Variants in NEGR1 observed in about 807,000 individuals in gnomAD.
NEGR1 encodes the protein neuronal growth regulator 1.
NEGR1 carries 10 observed loss-of-function variants against 40.9 expected under a neutral mutation model. That is an observed-to-expected ratio of 0.24 (90% CI 0.15 to 0.42). The LOEUF (loss-of-function observed/expected upper bound fraction) is 0.42. Among genes scored for constraint, NEGR1 ranks in the 10% least tolerant of loss-of-function variants. The pLI, the probability that NEGR1 is intolerant of heterozygous loss-of-function variation, is 1.00. For missense variants in NEGR1, 352 were observed against 438.9 expected (o/e 0.80, Z 1.77); for synonymous variants, 185 against 166.8 (o/e 1.11, Z -0.84).
chr1:72,030,858 T>C (rs915148354), intron 1 of NEGR1, among the ~76,000 whole-genome samples: 5 of 152,104 alleles, frequency 3.3e-5, no homozygotes, highest in Admixed American at 2.6e-4. Context: ...CACACTTTCT[T>C]AGGAAAAAAG....
At chr1:71,563,963 A>G (rs368512039) in intron 6 of NEGR1, among the ~76,000 whole-genome samples, 11 of 151,958 alleles carry the variant, frequency 7.2e-5, no homozygotes, top group African/African-American at 2.7e-4. Flanking sequence ...GGGGAGGAAA[A>G]AAAAAAAGAC....
intron 3 of NEGR1, among the ~76,000 whole-genome samples, chr1:71,769,042 G>C (rs1656225959): frequency 2.0e-5 from 3 of 150,448 alleles, no homozygotes; most frequent in African/African-American, 4.9e-5. Context: ...ACAGCCTACA[G>C]AACTGTGATT....
At chr1:72,001,557 A>G (rs1646557543) in intron 1 of NEGR1, among the ~76,000 whole-genome samples, 1 of 151,256 alleles carries the variant, frequency 6.6e-6, no homozygotes, top group Non-Finnish European at 1.5e-5. Flanking sequence ...ACAAAGAAAC[A>G]AAATGCTAAA....
intron 1 of NEGR1, among the ~76,000 whole-genome samples, chr1:72,221,926 C>A (rs922350034): frequency 6.6e-6 from 1 of 152,084 alleles, no homozygotes; most frequent in Non-Finnish European, 1.5e-5. Context: ...AAGCCAAGAC[C>A]CACAGATATA....
intron 3 of NEGR1, among the ~76,000 whole-genome samples, chr1:71,756,847 A>T (rs757057081): frequency 2.6e-5 from 3 of 117,086 alleles, no homozygotes; most frequent in African/African-American, 7.0e-5. Context: ...AAATGAAAAT[A>T]AAAAAAAAAA....
At chr1:71,429,813 A>G (rs546037989) in intron 6 of NEGR1, among the ~76,000 whole-genome samples, 1 of 152,360 alleles carries the variant, frequency 6.6e-6, no homozygotes, top group South Asian at 2.1e-4. Context: ...CCTCTGTATG[A>G]GAAATATTTA....
intron 1 of NEGR1, among the ~76,000 whole-genome samples, chr1:72,183,344 G>A (rs1432773599): frequency 6.6e-6 from 1 of 152,044 alleles, no homozygotes; most frequent in Non-Finnish European, 1.5e-5. Flanking sequence ...GGTTTCTTCT[G>A]ATCTTTGCTC....
intron 6 of NEGR1, among the ~76,000 whole-genome samples, chr1:71,588,236 G>A (rs1441408494): frequency 6.6e-6 from 1 of 151,988 alleles, no homozygotes; most frequent in Non-Finnish European, 1.5e-5. Context: ...TGTTCAGGAA[G>A]CAAAAAACGC....
At chr1:71,716,585 G>A (rs1654285800) in intron 3 of NEGR1, among the ~76,000 whole-genome samples, 2 of 152,120 alleles carry the variant, frequency 1.3e-5, no homozygotes, top group Admixed American at 1.3e-4. Flanking sequence ...TAAGAATTGT[G>A]TTGTAACAAC....
intron 2 of NEGR1, among the ~76,000 whole-genome samples, chr1:71,899,370 A>G (rs181668682): frequency 6.6e-6 from 1 of 152,174 alleles, no homozygotes; most frequent in Admixed American, 6.5e-5. Flanking sequence ...AGGAAGATGC[A>G]GATGGGAAGG....
intron 1 of NEGR1, among the ~76,000 whole-genome samples, chr1:72,253,228 T>C (rs1655163968): frequency 6.6e-6 from 1 of 152,204 alleles, no homozygotes; most frequent in Non-Finnish European, 1.5e-5. Flanking sequence ...CAACAAAGAA[T>C]CTCTAATAGT....
chr1:71,629,560 T>C (rs1328164706), intron 4 of NEGR1, among the ~76,000 whole-genome samples: 1 of 152,014 alleles, frequency 6.6e-6, no homozygotes, highest in Non-Finnish European at 1.5e-5. Flanking sequence ...TAGGAATGCT[T>C]GTGATTTTTC....
At chr1:71,816,066 C>T (rs1024872858) in intron 2 of NEGR1, among the ~76,000 whole-genome samples, 5 of 152,032 alleles carry the variant, frequency 3.3e-5, no homozygotes, top group Non-Finnish European at 4.4e-5. Flanking sequence ...TCCCAAATAT[C>T]CCTTGTCTTA....
chr1:71,770,269 T>C (rs1335810489), intron 3 of NEGR1, among the ~76,000 whole-genome samples: 2 of 152,302 alleles, frequency 1.3e-5, no homozygotes, highest in African/African-American at 4.8e-5. Flanking sequence ...AATATTTTTC[T>C]TACTAGTTCT....
chr1:71,596,745 G>T (rs1649725292), intron 5 of NEGR1, among the ~76,000 whole-genome samples: 1 of 152,116 alleles, frequency 6.6e-6, no homozygotes, highest in Non-Finnish European at 1.5e-5. Context: ...TCCAGGTCAG[G>T]AATAACAACA....
At chr1:71,971,678 T>C (rs1202105642) in intron 1 of NEGR1, among the ~76,000 whole-genome samples, 1 of 152,212 alleles carries the variant, frequency 6.6e-6, no homozygotes, top group Admixed American at 6.5e-5. Context: ...GTTTTACAAA[T>C]ATCCATGCCA....
rs148802684 is a variant in NEGR1, at chr1:72,103,325, A to T, written c.177-168014T>A. Among the ~76,000 whole-genome samples, 1,374 of 152,188 alleles carry T rather than the reference A, an allele frequency of 9.0e-3. 8 individuals are homozygous for T. The highest frequency in any genetic ancestry group is 0.034 in the Middle Eastern group (10 of 294). ...ATAAATCCTTCTTTTGTTTGATGGG[A>T]CCAACCCTCTTTTTAGAATATGGTA... On this transcript the variant is annotated intron_variant, in intron 1 of 6. Coordinates refer to ENST00000357731, the MANE Select transcript of NEGR1 (RefSeq NM_173808.3).
chr1:72,129,844 T>C (rs1297957136), intron 1 of NEGR1, among the ~76,000 whole-genome samples: 1 of 152,196 alleles, frequency 6.6e-6, no homozygotes, highest in Non-Finnish European at 1.5e-5. Flanking sequence ...TTGTCACATC[T>C]GCCTTCAAAA....
chr1:71,828,893 TGA>T (rs1199394276), intron 2 of NEGR1, among the ~76,000 whole-genome samples: 1 of 151,918 alleles, frequency 6.6e-6, no homozygotes, highest in Non-Finnish European at 1.5e-5. Context: ...GGCTGAGCCA[TGA>T]GACAAGGCTG....
Sources: gnomAD v4.1 joint callset for allele counts (sites outside exome capture counted in the v4.1 genomes callset) on GRCh38, gnomAD v4.1.1 for gene constraint, MANE v1.5 for transcripts, NCBI Gene and HGNC (gene_info 2026-07-23, HGNC 2026-07-21) for gene names.